Variants in NCKAP5 observed in about 807,000 individuals in gnomAD.
NCKAP5 encodes the protein NCK associated protein 5, also known as nck-associated protein 5.
Under a neutral mutation model 167.0 loss-of-function variants are expected in NCKAP5, and 92 were observed. The observed-to-expected ratio is 0.55, with a 90% CI of 0.47 to 0.66. NCKAP5 has a LOEUF of 0.66. Among genes scored for constraint, NCKAP5 ranks in the 30% least tolerant of loss-of-function variants. NCKAP5 has a pLI of 0.00. For synonymous variants in NCKAP5, 891 were observed against 877.4 expected, an observed-to-expected ratio of 1.02 and a Z score of -0.27; for missense variants, 2,378 against 2,315.0, an observed-to-expected ratio of 1.03 and a Z score of -0.56.
intron 6 of NCKAP5, among the ~76,000 whole-genome samples, chr2:133,033,417 C>G (rs1183853168): frequency 6.6e-6 from 1 of 152,152 alleles, no homozygotes; most frequent in African/African-American, 2.4e-5. Flanking sequence ...ACAGTAAAGA[C>G]TAGAATGAAT....
At chr2:132,981,644 A>G (rs2149269248) in intron 7 of NCKAP5, among the ~76,000 whole-genome samples, 1 of 152,272 alleles carries the variant, frequency 6.6e-6, no homozygotes, top group South Asian at 2.1e-4. Context: ...ATCACTGTAG[A>G]GGATTACAAG....
At chr2:133,521,323 T>A (rs1684455839) in intron 2 of NCKAP5, among the ~76,000 whole-genome samples, 1 of 152,238 alleles carries the variant, frequency 6.6e-6, no homozygotes, top group South Asian at 2.1e-4. Flanking sequence ...CAGTATCACT[T>A]ATAGAAGAAG....
intron 8 of NCKAP5, chr2:132,930,944 G>A (rs564200966): frequency 3.9e-5 from 6 of 152,138 alleles, no homozygotes; most frequent in African/African-American, 1.4e-4. Flanking sequence ...TATACTCTGA[G>A]GCACACATAG....
intron 10 of NCKAP5, among the ~76,000 whole-genome samples, chr2:132,864,062 G>T (rs1574457484): frequency 1.3e-5 from 2 of 152,210 alleles, no homozygotes; most frequent in African/African-American, 4.8e-5. Context: ...GACCCTGCCA[G>T]TTCAGAGGCA....
chr2:133,641,770 T>A, the NCKAP5 span, among the ~76,000 whole-genome samples: 1 of 152,218 alleles, frequency 6.6e-6, no homozygotes, highest in Non-Finnish European at 1.5e-5. Flanking sequence ...AGACTTCATG[T>A]CAGAGCTCTG....
intron 7 of NCKAP5, among the ~76,000 whole-genome samples, chr2:132,969,162 C>T (rs1040378329): frequency 3.3e-5 from 5 of 152,084 alleles, no homozygotes; most frequent in South Asian, 2.1e-4. Context: ...CTCAGCCTCC[C>T]GAGTAGCTGG....
chr2:133,619,630 A>C, the NCKAP5 span, among the ~76,000 whole-genome samples: 1 of 152,278 alleles, frequency 6.6e-6, no homozygotes, highest in South Asian at 2.1e-4. Context: ...CCTAAGAATA[A>C]TTGATATTCC....
At chr2:132,846,799 C>A (rs1244824776) in intron 11 of NCKAP5, among the ~76,000 whole-genome samples, 2 of 152,084 alleles carry the variant, frequency 1.3e-5, no homozygotes, top group African/African-American at 4.8e-5. Context: ...CAGAAAGTGG[C>A]AGAATTGGAT....
chr2:133,287,436 A>G (rs1679232706), intron 4 of NCKAP5, among the ~76,000 whole-genome samples: 1 of 152,210 alleles, frequency 6.6e-6, no homozygotes, highest in Non-Finnish European at 1.5e-5. Flanking sequence ...TTGGCTTTCA[A>G]TTAGTCAGGA....
At chr2:133,109,213 C>T (rs2081826673) in intron 6 of NCKAP5, among the ~76,000 whole-genome samples, 1 of 152,184 alleles carries the variant, frequency 6.6e-6, no homozygotes, top group Non-Finnish European at 1.5e-5. Flanking sequence ...ATACCACTTA[C>T]TTGATTGTAA....
intron 3 of NCKAP5, among the ~76,000 whole-genome samples, chr2:133,516,753 T>C (rs745760080): frequency 2.2e-4 from 33 of 152,232 alleles, no homozygotes; most frequent in Non-Finnish European, 4.7e-4. Flanking sequence ...TAAATCTCTA[T>C]TTCAGAAAGT....
chr2:132,843,928 T>C (rs183728618), intron 11 of NCKAP5, among the ~76,000 whole-genome samples: 278 of 152,258 alleles, frequency 1.8e-3, no homozygotes, highest in Middle Eastern at 3.4e-3. Flanking sequence ...TACTTTTTCC[T>C]TTATCTCTGC....
At chr2:132,832,225 T>C (rs900903196) in intron 11 of NCKAP5, among the ~76,000 whole-genome samples, 4 of 152,168 alleles carry the variant, frequency 2.6e-5, no homozygotes, top group Admixed American at 2.6e-4. Flanking sequence ...AGTCTTCCCA[T>C]GCATGGACAT....
Position 132,673,315 on chromosome 2 carries a change from AAAG to A in NCKAP5, c.5714-13_5714-11del, listed in dbSNP as rs1003146841. On this transcript the variant is annotated splice_polypyrimidine_tract_variant and intron_variant, in intron 19 of 19. Transcript: ENST00000409261. ...CAAGTTGTCTCAATTTCTGCAATAA[AAAG>A]AAGAAAATATTAGAAACATATTTCT... The A allele has an allele frequency of 5.8e-5, 84 of 1,440,160 alleles. No homozygotes were observed. Among genetic ancestry groups the A allele is most frequent in the Middle Eastern group, 3.5e-4 (2 of 5,726 alleles). 89.2% of individuals were successfully genotyped at this position (1,440,160 alleles called of 1,614,324 possible). A position where few individuals can be genotyped will look rare whatever the true frequency, so the allele number is the denominator to read the frequency against.
the NCKAP5 span, among the ~76,000 whole-genome samples, chr2:133,594,950 C>T: frequency 6.6e-6 from 1 of 152,262 alleles, no homozygotes; most frequent in East Asian, 1.9e-4. Context: ...GACAACATCC[C>T]ACCCTCAAGC....
intron 3 of NCKAP5, among the ~76,000 whole-genome samples, chr2:133,375,474 GT>G (rs1403684962): frequency 7.0e-4 from 106 of 152,338 alleles, no homozygotes; most frequent in Middle Eastern, 3.4e-3. Context: ...TGTGAAGGAT[GT>G]ATAGGTTTGT....
intron 11 of NCKAP5, among the ~76,000 whole-genome samples, chr2:132,813,652 C>G (rs1043534673): frequency 1.3e-5 from 2 of 152,130 alleles, no homozygotes; most frequent in African/African-American, 4.8e-5. Context: ...AGATGGTCAG[C>G]AAGAAACCAT....
At chr2:133,325,668 C>G (rs1013352222) in intron 3 of NCKAP5, among the ~76,000 whole-genome samples, 18 of 152,314 alleles carry the variant, frequency 1.2e-4, no homozygotes, top group African/African-American at 4.3e-4. Flanking sequence ...TCTGTGCACT[C>G]TATCTGCTCC....
intron 15 of NCKAP5, among the ~76,000 whole-genome samples, chr2:132,776,495 G>T (rs1407699268): frequency 6.6e-6 from 1 of 152,198 alleles, no homozygotes; most frequent in African/African-American, 2.4e-5. Context: ...CTGAGATGGT[G>T]AACAAGCCCC....
Sources: allele counts gnomAD v4.1 joint callset (sites outside exome capture counted in the v4.1 genomes callset), GRCh38; gene constraint gnomAD v4.1.1; transcripts MANE v1.5; gene names NCBI Gene and HGNC (gene_info 2026-07-23, HGNC 2026-07-21).